SHISA6: variants seen among roughly 807,000 people sequenced by gnomAD.
The protein encoded by SHISA6 is shisa family member 6, also known as protein shisa-6.
A neutral mutation model predicts 47.9 loss-of-function variants in SHISA6; 22 were observed. The ratio of observed to expected loss-of-function variants is 0.46; its 90% confidence interval spans 0.33 to 0.66. The LOEUF (loss-of-function observed/expected upper bound fraction) is 0.66, where lower values mean the gene tolerates loss of function less well. Among genes scored for constraint, SHISA6 ranks in the 30% least tolerant of loss-of-function variants. The pLI is 0.02. For missense variants in SHISA6, 680 were observed against 764.6 expected, an observed-to-expected ratio of 0.89 and a Z score of 1.30; for synonymous variants, 388 against 337.8, an observed-to-expected ratio of 1.15 and a Z score of -1.63.
At chr17:11,464,262 G>A (rs1915758444) in intron 3 of SHISA6, among the ~76,000 whole-genome samples, 1 of 152,154 alleles carries the variant, frequency 6.6e-6, no homozygotes. Flanking sequence ...TTAGCTGTAT[G>A]ATCAACAGGT....
At chr17:11,283,342 G>T (rs1366798498) in intron 2 of SHISA6, among the ~76,000 whole-genome samples, 4 of 152,156 alleles carry the variant, frequency 2.6e-5, no homozygotes, top group African/African-American at 9.7e-5. Context: ...GATTCAGGAG[G>T]TTTAAGCAAT....
intron 3 of SHISA6, among the ~76,000 whole-genome samples, chr17:11,496,833 G>A (rs2969197): frequency 0.74 from 112,950 of 152,098 alleles, 42,030 homozygotes; most frequent in East Asian, 0.87. Context: ...TGGAAAGCAC[G>A]GCCCCAGCTA....
chr17:11,375,789 A>G (rs529062621), intron 2 of SHISA6, among the ~76,000 whole-genome samples: 1 of 152,294 alleles, frequency 6.6e-6, no homozygotes, highest in South Asian at 2.1e-4. Context: ...CAGCCTGAGC[A>G]GCGACTGAGC....
intron 2 of SHISA6, among the ~76,000 whole-genome samples, chr17:11,298,202 C>A (rs1328676482): frequency 1.3e-5 from 2 of 152,298 alleles, no homozygotes; most frequent in Non-Finnish European, 2.9e-5. Flanking sequence ...TGGACTTGAA[C>A]CTGAGCGTCT....
At chr17:11,524,273 G>A (rs185427738) in intron 3 of SHISA6, among the ~76,000 whole-genome samples, 145 of 152,080 alleles carry the variant, frequency 9.5e-4, no homozygotes, top group African/African-American at 3.3e-3. Flanking sequence ...GTTTCAAAGG[G>A]AGACAGAAAA....
intron 3 of SHISA6, among the ~76,000 whole-genome samples, chr17:11,511,232 C>T (rs2874639): frequency 0.24 from 36,589 of 151,844 alleles, 4,609 homozygotes; most frequent in East Asian, 0.36. Context: ...GGGAGTTGAA[C>T]GATGAGAACA....
In SHISA6 at chr17:11,430,276, T is replaced by C. The variant is rs548750026; in HGVS notation, c.895+50767T>C. Among the ~76,000 whole-genome samples, 14 of 152,282 alleles carry C rather than the reference T, an allele frequency of 9.2e-5. 1 individual carries two copies. In the South Asian group the frequency reaches 1.2e-3, roughly 14 times the overall value. ...ACTGCAGTTTCTGGCCCTTTTGTGA[T>C]TGGACGAGGCCACGAGACTGGTTGT... On this transcript the variant is annotated intron_variant, in intron 3 of 5. Transcript: ENST00000441885.
chr17:11,453,123 A>C (rs1915447658), intron 3 of SHISA6, among the ~76,000 whole-genome samples: 1 of 152,190 alleles, frequency 6.6e-6, no homozygotes, highest in African/African-American at 2.4e-5. Context: ...ATGACTCATT[A>C]ATCAATGCTC....
intron 3 of SHISA6, among the ~76,000 whole-genome samples, chr17:11,483,343 T>C (rs1056492439): frequency 1.3e-4 from 19 of 149,398 alleles, no homozygotes; most frequent in African/African-American, 3.7e-4. Flanking sequence ...CGAATAATAA[T>C]AATAATACAG....
intron 3 of SHISA6, among the ~76,000 whole-genome samples, chr17:11,449,890 T>G (rs1034827155): frequency 6.6e-6 from 1 of 152,166 alleles, no homozygotes; most frequent in African/African-American, 2.4e-5. Context: ...AATCTCTTCT[T>G]TTTCTTTTCT....
chr17:11,558,633 G>A lies in SHISA6; in HGVS notation c.*329G>A, dbSNP rs968381021. On this transcript the variant is annotated 3_prime_UTR_variant, in exon 6 of 6. Transcript: ENST00000441885. ...TCCCGCGCCTCCTTCTCCCCATCCG[G>A]GGGACTCAGCTGCAGGTTCTGTCAG... The A allele has an allele frequency of 8.0e-6, 3 of 372,952 alleles. No homozygotes were observed. The highest frequency in any genetic ancestry group is 4.1e-5 in the African/African-American group (2 of 49,090). 23.1% of individuals were successfully genotyped at this position (372,952 alleles called of 1,614,324 possible).
At chr17:11,390,575 T>A (rs1913350857) in intron 3 of SHISA6, among the ~76,000 whole-genome samples, 1 of 152,182 alleles carries the variant, frequency 6.6e-6, no homozygotes, top group Non-Finnish European at 1.5e-5. Flanking sequence ...CATACATGCA[T>A]TAAAATTTGA....
chr17:11,515,313 AAAGGAAGGAAGGAAGGAAGG>A (rs200856515), intron 3 of SHISA6, among the ~76,000 whole-genome samples: 6,859 of 130,440 alleles, frequency 0.053, 244 homozygotes, highest in Middle Eastern at 0.088. Context: ...GAAGAAAGAA[AAAGGAAGGAAGGAAGGAAGG>A]AAGGAAGGAA....
At chr17:11,498,845 G>A (rs957795540) in intron 3 of SHISA6, among the ~76,000 whole-genome samples, 2 of 152,182 alleles carry the variant, frequency 1.3e-5, no homozygotes, top group African/African-American at 4.8e-5. Context: ...CCATAACAAC[G>A]AAGGATTTGC....
At position 11,370,398 on chromosome 17, in the gene SHISA6, G is replaced by A. The variant is rs564568396; in HGVS notation, c.800-9016G>A. Among the ~76,000 whole-genome samples the A allele has an allele frequency of 5.9e-5, 9 of 152,232 alleles. No individual in the cohort carries two copies. In the South Asian group the frequency reaches 1.9e-3, roughly 32 times the overall value. Reference sequence around the variant, plus strand: ...TTTGCTCTTGGTCTCAGCTGGAGACGTCCATGGATCCCATATTTACGTTTT... The same window carrying A: ...TTTGCTCTTGGTCTCAGCTGGAGACATCCATGGATCCCATATTTACGTTTT... On this transcript the variant is annotated intron_variant, in intron 2 of 5. Coordinates refer to ENST00000441885, the MANE Select transcript of SHISA6 (RefSeq NM_207386.4).
At chr17:11,388,506 G>A (rs1378815509) in intron 3 of SHISA6, among the ~76,000 whole-genome samples, 1 of 151,932 alleles carries the variant, frequency 6.6e-6, no homozygotes. Flanking sequence ...CTTCATGTCT[G>A]CTCACTCCTG....
At chr17:11,372,870 A>G (rs2142239219) in intron 2 of SHISA6, among the ~76,000 whole-genome samples, 1 of 152,178 alleles carries the variant, frequency 6.6e-6, no homozygotes, top group East Asian at 1.9e-4. Flanking sequence ...GAGGGCACAT[A>G]ATGCATTTCA....
intron 3 of SHISA6, among the ~76,000 whole-genome samples, chr17:11,466,255 T>C (rs1177952415): frequency 6.6e-6 from 1 of 152,172 alleles, no homozygotes; most frequent in Non-Finnish European, 1.5e-5. Context: ...TCAAGAATGT[T>C]GGGTTGAACT....
intron 3 of SHISA6, among the ~76,000 whole-genome samples, chr17:11,538,606 G>T (rs1416092112): frequency 6.6e-6 from 1 of 152,166 alleles, no homozygotes; most frequent in African/African-American, 2.4e-5. Flanking sequence ...CCAGTTTCCA[G>T]CAGTCACCTA....
Sources: gnomAD v4.1 joint callset for allele counts (sites outside exome capture counted in the v4.1 genomes callset) on GRCh38, gnomAD v4.1.1 for gene constraint, MANE v1.5 for transcripts, NCBI Gene and HGNC (gene_info 2026-07-23, HGNC 2026-07-21) for gene names.